The following CLMN variants were observed in gnomAD, a reference collection of about 807,000 sequenced individuals.
CLMN encodes the protein calmin, also known as calmin (calponin-like, transmembrane).
Under a neutral mutation model 92.7 loss-of-function variants are expected in CLMN, and 57 were observed. That is an observed-to-expected ratio of 0.61 (90% confidence interval 0.50 to 0.77). CLMN has a LOEUF of 0.77. Ranked by LOEUF, CLMN falls within the 30% of genes least tolerant of loss-of-function variation. CLMN has a pLI of 0.00. For missense variants in CLMN, 1,158 were observed against 1,237.5 expected, an observed-to-expected ratio of 0.94 and a Z score of 0.96; for synonymous variants, 466 against 470.6, an observed-to-expected ratio of 0.99 and a Z score of 0.13.
chr14:95,303,821 G>A lies in CLMN; in HGVS notation c.82+15890C>T, dbSNP rs552470825. On this transcript the variant is annotated intron_variant, in intron 1 of 12. Coordinates refer to ENST00000298912, the MANE Select transcript of CLMN (RefSeq NM_024734.4). The stretch of plus-strand genomic sequence containing the variant: ...TCTGAGATGCCTGGAAAGGAAGGGA[G>A]AGATTTCTCAGAGATGAGGACGGAC... Among the ~76,000 whole-genome samples, 3 of 152,362 alleles carry A rather than the reference G, an allele frequency of 2.0e-5. No individual in the cohort carries two copies. The South Asian group carries it at 6.2e-4, about 32-fold the overall frequency.
At chr14:95,289,852 G>A (rs1010020452) in intron 1 of CLMN, among the ~76,000 whole-genome samples, 4 of 152,202 alleles carry the variant, frequency 2.6e-5, no homozygotes, top group Admixed American at 6.5e-5. Context: ...TTAGCCTACT[G>A]TGCCAGGTCT....
At chr14:95,247,641 G>GTC (rs1898622927) in intron 1 of CLMN, among the ~76,000 whole-genome samples, 1 of 152,162 alleles carries the variant, frequency 6.6e-6, no homozygotes, top group Non-Finnish European at 1.5e-5. Flanking sequence ...GTATAAGGAT[G>GTC]TCTCCTCCCT....
chr14:95,311,706 T>C (rs1021677142), intron 1 of CLMN, among the ~76,000 whole-genome samples: 1 of 152,148 alleles, frequency 6.6e-6, no homozygotes, highest in Non-Finnish European at 1.5e-5. Context: ...AACCCTGGCT[T>C]CCGTCCTGCT....
intron 1 of CLMN, among the ~76,000 whole-genome samples, chr14:95,279,376 C>T (rs1167660466): frequency 6.6e-6 from 1 of 152,222 alleles, no homozygotes; most frequent in African/African-American, 2.4e-5. Flanking sequence ...ACATTAGATT[C>T]TAGATAAGGC....
chr14:95,210,868 G>A lies in CLMN; in HGVS notation c.620C>T (p.Ala207Val), dbSNP rs757375721. The change falls in exon 7 of 13, where the codon GCG (alanine) becomes GTG (valine). Residue 207 changes from alanine (A) to valine (V), a missense_variant. Coordinates refer to ENST00000298912, the MANE Select transcript of CLMN (RefSeq NM_024734.4). ...CCAACTGCCCGCAAAGTCCTGCACC[G>A]CCACGCCATACCTGAAGGAAAAACA... is the stretch of plus-strand genomic sequence containing the variant. Reference protein sequence around the residue: ...VQRKTRKYGVAVQDFAGSWRS... With the variant: ...VQRKTRKYGVVVQDFAGSWRS... The A allele has an allele frequency of 7.2e-6, 11 of 1,520,378 alleles. No individual in the cohort carries two copies. The highest frequency in any genetic ancestry group is 2.6e-5 in the East Asian group (1 of 39,192). The allele number at this position is 1,520,378 out of a possible 1,614,324, so 94.2% of individuals were successfully genotyped here. A position where few individuals can be genotyped will look rare whatever the true frequency, so the allele number is the denominator to read the frequency against.
At chr14:95,240,963 T>C (rs1467642810) in intron 1 of CLMN, among the ~76,000 whole-genome samples, 1 of 152,170 alleles carries the variant, frequency 6.6e-6, no homozygotes, top group Non-Finnish European at 1.5e-5. Flanking sequence ...ATCTGTTTCA[T>C]GCCTGGATTG....
intron 1 of CLMN, among the ~76,000 whole-genome samples, chr14:95,293,078 C>T (rs1276378188): frequency 6.6e-6 from 1 of 151,994 alleles, no homozygotes; most frequent in Admixed American, 6.5e-5. Flanking sequence ...ATAACTATGT[C>T]AGGGTAAATG....
intron 1 of CLMN, among the ~76,000 whole-genome samples, chr14:95,276,216 GT>G (rs1268938055): frequency 6.6e-6 from 1 of 152,208 alleles, no homozygotes; most frequent in African/African-American, 2.4e-5. Flanking sequence ...GCGGAATTGA[GT>G]TAGAGGTATT....
chr14:95,258,560 TTG>T (rs1393749817), intron 1 of CLMN, among the ~76,000 whole-genome samples: 2 of 149,164 alleles, frequency 1.3e-5, no homozygotes, highest in Non-Finnish European at 1.5e-5. Context: ...TGTGGTGTGG[TTG>T]TGTGTGAAGG....
chr14:95,262,289 C>A (rs1167430927), intron 1 of CLMN, among the ~76,000 whole-genome samples: 1 of 152,226 alleles, frequency 6.6e-6, no homozygotes, highest in Non-Finnish European at 1.5e-5. Flanking sequence ...GAAAACCACT[C>A]TGCCAGCTGT....
At chr14:95,231,736 C>T (rs1436655509) in intron 1 of CLMN, among the ~76,000 whole-genome samples, 1 of 152,184 alleles carries the variant, frequency 6.6e-6, no homozygotes, top group African/African-American at 2.4e-5. Context: ...TCTGTCAGCC[C>T]CACACCAGCC....
rs773234474 is a variant in CLMN at position 95,196,656 on chromosome 14, G to A, written c.2550C>T (p.Pro850=). 30 of 1,613,364 alleles carry A rather than the reference G, an allele frequency of 1.9e-5. No individual in the cohort carries two copies. Among genetic ancestry groups the A allele is most frequent in the Middle Eastern group, 1.6e-4 (1 of 6,080 alleles). The change falls in exon 10 of 13, where the codon CCC becomes CCT. Residue 850 remains proline (P), a synonymous_variant. Transcript: ENST00000298912. ...ESPNLENIAN[P]LEENVTKESI... is the part of the protein sequence containing the mutation. ...ATTCTTTCGTTACATTTTCTTCTAG[G>A]GGGTTTGCTATGTTTTCCAGGTTTG... is the stretch of plus-strand genomic sequence containing the variant.
chr14:95,318,614 A>G (rs1177269671), intron 1 of CLMN, among the ~76,000 whole-genome samples: 3 of 152,096 alleles, frequency 2.0e-5, no homozygotes. Flanking sequence ...GGGCACCCAC[A>G]GCCCCATCGC....
intron 1 of CLMN, among the ~76,000 whole-genome samples, chr14:95,245,239 TATATATATATATATA>T (rs1391507033): frequency 1.9e-4 from 4 of 21,564 alleles, no homozygotes; most frequent in East Asian, 2.4e-3. Context: ...ATATATATAT[TATATATATATATATA>T]ATATATATAT....
At chr14:95,238,857 C>T (rs1566886751) in intron 1 of CLMN, among the ~76,000 whole-genome samples, 1 of 152,212 alleles carries the variant, frequency 6.6e-6, no homozygotes. Context: ...TCCTGCCCCA[C>T]CATGCCCCGC....
chr14:95,203,216 C>T lies in CLMN; in HGVS notation c.2133G>A (p.Lys711=). 6.2e-7 allele frequency: 1 copy of T among 1,613,718 alleles called. No individual in the cohort carries two copies. Among genetic ancestry groups the T allele is most frequent in the Non-Finnish European group, 8.5e-7 (1 of 1,180,018 alleles). ...AAACCTTTGAGAGGGGTGGGGAGGG[C>T]TTGAAATCCAGGCCTTCTTCGCTGT... The part of the protein sequence containing the change: ...GSHSEEGLDF[K]PSPPLSKVSV... Residue 711 remains lysine, a synonymous_variant, in exon 9 of 13, where the codon AAG becomes AAA. Coordinates refer to ENST00000298912, the MANE Select transcript of CLMN (RefSeq NM_024734.4).
intron 1 of CLMN, among the ~76,000 whole-genome samples, chr14:95,313,537 G>A (rs1901632284): frequency 6.6e-6 from 1 of 151,968 alleles, no homozygotes; most frequent in African/African-American, 2.4e-5. Context: ...AGGAAAAGAA[G>A]ACCTGGTAAG....
At chr14:95,286,127 T>C (rs762787589) in intron 1 of CLMN, among the ~76,000 whole-genome samples, 57 of 152,222 alleles carry the variant, frequency 3.7e-4, no homozygotes, top group Non-Finnish European at 6.0e-4. Context: ...TCAGGTGTGA[T>C]CATGGTAATG....
At chr14:95,250,736 T>C (rs1186658191) in intron 1 of CLMN, among the ~76,000 whole-genome samples, 1 of 152,240 alleles carries the variant, frequency 6.6e-6, no homozygotes, top group Non-Finnish European at 1.5e-5. Flanking sequence ...GTCACCCCGT[T>C]AAGTCAGGAA....
Sources: gnomAD v4.1 joint callset for allele counts (sites outside exome capture counted in the v4.1 genomes callset) on GRCh38, gnomAD v4.1.1 for gene constraint, MANE v1.5 for transcripts, NCBI Gene and HGNC (gene_info 2026-07-23, HGNC 2026-07-21) for gene names.